The following IL20RA variants were observed in gnomAD, a reference collection of about 807,000 sequenced individuals.
The protein encoded by IL20RA is interleukin-20 receptor subunit alpha.
In IL20RA, 29 loss-of-function variants were observed where a neutral mutation model predicts 36.5. The ratio of observed to expected loss-of-function variants is 0.79; its 90% CI spans 0.59 to 1.08. The LOEUF (loss-of-function observed/expected upper bound fraction) is 1.08. Ranked by LOEUF, IL20RA falls within the 50% of genes least tolerant of loss-of-function variation. The pLI is 0.00. For synonymous variants in IL20RA, 279 were observed against 267.1 expected (o/e 1.04, Z -0.43); for missense variants, 652 against 668.4 (o/e 0.98, Z 0.27).
At chr6:137,039,766 T>TA (rs1776618471) in intron 1 of IL20RA, among the ~76,000 whole-genome samples, 1 of 152,176 alleles carries the variant, frequency 6.6e-6, no homozygotes, top group Admixed American at 6.5e-5. Context: ...GAGCCACACT[T>TA]GTCTGAGAAA....
At chr6:137,033,444 G>A (rs761840896) in intron 1 of IL20RA, among the ~76,000 whole-genome samples, 1 of 152,190 alleles carries the variant, frequency 6.6e-6, no homozygotes, top group Non-Finnish European at 1.5e-5. Flanking sequence ...CATGGGGGTG[G>A]ATTTCTCATG....
At chr6:137,029,639 T>C (rs1017597361) in intron 1 of IL20RA, among the ~76,000 whole-genome samples, 1 of 152,178 alleles carries the variant, frequency 6.6e-6, no homozygotes, top group Non-Finnish European at 1.5e-5. Context: ...CAAATATGGG[T>C]TGAAATCTTT....
intron 1 of IL20RA, among the ~76,000 whole-genome samples, chr6:137,025,743 T>G (rs1479429995): frequency 2.0e-5 from 3 of 152,228 alleles, no homozygotes; most frequent in African/African-American, 7.2e-5. Flanking sequence ...TTGTGACCAT[T>G]TCCTAATGGC....
Position 137,044,842 on chromosome 6 carries a change from C to T in IL20RA, c.-114G>A. ...TCCGCGCCTGGGGCTCTGCGTGCCA[C>T]GCTCCAGGCGACCTGAGTCCCAGGG... On this transcript the variant is annotated 5_prime_UTR_variant, in exon 1 of 7. In the 5' UTR this introduces an upstream ATG that the reference lacks. Coordinates refer to ENST00000316649, the MANE Select transcript of IL20RA (RefSeq NM_014432.4). The T allele has an allele frequency of 1.0e-6, 1 of 1,003,790 alleles. No homozygotes were observed. Among genetic ancestry groups the T allele is most frequent in the Non-Finnish European group, 1.3e-6 (1 of 791,686 alleles). The allele number at this position is 1,003,790 out of a possible 1,614,324, so 62.2% of individuals were successfully genotyped here.
At chr6:137,013,751 T>C (rs1260653595) in intron 2 of IL20RA, among the ~76,000 whole-genome samples, 1 of 152,172 alleles carries the variant, frequency 6.6e-6, no homozygotes, top group East Asian at 1.9e-4. Flanking sequence ...TCTGTAACCT[T>C]CCCAGCTAGG....
In IL20RA at chr6:137,009,355, A is replaced by C; in HGVS notation, c.541T>G (p.Tyr181Asp). 2 of 1,613,726 alleles carry C rather than the reference A, an allele frequency of 1.2e-6. No homozygotes were observed. The highest frequency in any genetic ancestry group is 1.7e-6 in the Non-Finnish European group (2 of 1,179,708). ...TTAGTATTCAACACAGACACGTTAT[A>C]CTTCAGATTGGAGTATATTTGTTGC... ...SMQQIYSNLK[Y>D]NVSVLNTKSN... The change falls in exon 4 of 7, where the codon TAT becomes GAT. Residue 181 changes from tyrosine (Y) to aspartate (D), a missense_variant. Coordinates refer to ENST00000316649, the MANE Select transcript of IL20RA (RefSeq NM_014432.4).
At position 137,022,798 on chromosome 6, in the gene IL20RA, G is replaced by T. The variant is rs369222021; in HGVS notation, c.89-5695C>A. ...AAGAAGACAGCCATGGGAAGACACA[G>T]AGACACAAGGAGAATGCCATGTGAA... On this transcript the variant is annotated intron_variant, in intron 1 of 6. Transcript: ENST00000316649. 2.0e-4 allele frequency among the ~76,000 whole-genome samples: 30 copies of T among 152,260 alleles called. 2 individuals are homozygous for T. The highest frequency in any genetic ancestry group is 7.7e-4 in the East Asian group (4 of 5,180).
intron 1 of IL20RA, 42 bp downstream of exon 1, chr6:137,044,599 G>A (rs1035377001): frequency 8.2e-7 from 1 of 1,218,754 alleles, no homozygotes; most frequent in South Asian, 4.2e-5. Context: ...GCCCCGGCCT[G>A]GAGGCATCCC....
rs541628515 is a variant in IL20RA at position 137,014,867 on chromosome 6, T to G, written c.224+2101A>C. Among the ~76,000 whole-genome samples, 4 of 152,296 alleles carry G rather than the reference T, an allele frequency of 2.6e-5. No homozygotes were observed. In the East Asian group the frequency reaches 5.8e-4, roughly 22 times the overall value. ...CTAAGTTCTTCTTTTGGGTTTGTCT[T>G]TATCTCTCTGTTAGCTGGAGGTCGT... is the stretch of plus-strand genomic sequence containing the variant. On this transcript the variant is annotated intron_variant, in intron 2 of 6. Transcript: ENST00000316649.
intron 1 of IL20RA, among the ~76,000 whole-genome samples, chr6:137,020,943 C>T (rs1775877325): frequency 1.3e-5 from 2 of 152,076 alleles, no homozygotes; most frequent in Non-Finnish European, 1.5e-5. Flanking sequence ...AGGGGCAGAC[C>T]TGTCATGAGA....
intron 1 of IL20RA, among the ~76,000 whole-genome samples, chr6:137,023,761 C>G (rs1775990897): frequency 6.6e-6 from 1 of 152,150 alleles, no homozygotes; most frequent in South Asian, 2.1e-4. Context: ...AAGGAATACT[C>G]ATGCTTTTAT....
At chr6:137,011,199 G>C in intron 3 of IL20RA, 75 bp downstream of exon 3, 1 of 1,248,114 alleles carries the variant, frequency 8.0e-7, no homozygotes, top group Admixed American at 2.1e-5. Context: ...GGGCAAGGCT[G>C]TCTGTGAGGC....
At chr6:137,019,915 T>C (rs966553206) in intron 1 of IL20RA, among the ~76,000 whole-genome samples, 1 of 152,234 alleles carries the variant, frequency 6.6e-6, no homozygotes, top group Non-Finnish European at 1.5e-5. Flanking sequence ...ACCATGACTG[T>C]GGTAGCTGGC....
At position 137,011,332 on chromosome 6, in the gene IL20RA, A is replaced by T; in HGVS notation, c.345T>A (p.Ile115=). 1 of 1,613,992 alleles carries T rather than the reference A, an allele frequency of 6.2e-7. No individual in the cohort carries two copies. Among genetic ancestry groups the T allele is most frequent in the Non-Finnish European group, 8.5e-7 (1 of 1,179,878 alleles). The stretch of plus-strand genomic sequence containing the variant: ...CCCATTTGGAACACTTTGTTCCCCA[A>T]ATGGCCTTAACTTTGGCATAATACT... ...EHQYYAKVKA[I]WGTKCSKWAE... Residue 115 remains isoleucine, a synonymous_variant, in exon 3 of 7, where the codon ATT becomes ATA. Coordinates refer to ENST00000316649, the MANE Select transcript of IL20RA (RefSeq NM_014432.4).
Position 137,011,287 on chromosome 6 carries a change from A to G in IL20RA, c.390T>C (p.Tyr130=). ...GGCATTACTTACTTTCTAAAAAAGG[A>G]TAGAACCGTCCACTTTCAGCCCATT... ...CSKWAESGRF[Y]PFLETQIGPP... The change falls in exon 3 of 7, where the codon TAT becomes TAC. Residue 130 remains tyrosine (Y), a synonymous_variant. Coordinates refer to ENST00000316649, the MANE Select transcript of IL20RA (RefSeq NM_014432.4). 4 of 1,610,746 alleles carry G rather than the reference A, an allele frequency of 2.5e-6. No homozygotes were observed. The highest frequency in any genetic ancestry group is 3.4e-6 in the Non-Finnish European group (4 of 1,178,522).
intron 1 of IL20RA, among the ~76,000 whole-genome samples, chr6:137,033,612 G>A (rs932784895): frequency 3.3e-5 from 5 of 152,206 alleles, no homozygotes; most frequent in Admixed American, 6.5e-5. Flanking sequence ...CATGTGACAT[G>A]CTTGCTCCCC....
intron 5 of IL20RA, among the ~76,000 whole-genome samples, chr6:137,007,859 TA>T (rs1319496775): frequency 6.6e-6 from 1 of 152,240 alleles, no homozygotes; most frequent in Non-Finnish European, 1.5e-5. Context: ...CCAGGGAAAG[TA>T]AAAAATGAAT....
intron 1 of IL20RA, chr6:137,044,240 C>T: frequency 1.0e-6 from 1 of 990,524 alleles, no homozygotes; most frequent in Non-Finnish European, 1.2e-6. Context: ...GGCCCCTCCG[C>T]GCGGCCGCGG....
chr6:137,002,564 A>C (rs1775117823), intron 6 of IL20RA, among the ~76,000 whole-genome samples: 1 of 152,204 alleles, frequency 6.6e-6, no homozygotes, highest in African/African-American at 2.4e-5. Flanking sequence ...TGGAAGCGAG[A>C]AGTGATTCGC....
Sources: allele counts gnomAD v4.1 joint callset (sites outside exome capture counted in the v4.1 genomes callset), GRCh38; gene constraint gnomAD v4.1.1; transcripts MANE v1.5; gene names NCBI Gene and HGNC (gene_info 2026-07-23, HGNC 2026-07-21).